SETDB2: variants seen among roughly 807,000 people sequenced by gnomAD.
SETDB2 encodes histone-lysine N-methyltransferase SETDB2.
Under a neutral mutation model 82.5 loss-of-function variants are expected in SETDB2, and 56 were observed. That is an observed-to-expected ratio of 0.68 (90% confidence interval 0.55 to 0.85). The LOEUF is 0.85. SETDB2 is among the 40% of genes least tolerant of loss of function. The pLI, the probability that SETDB2 is intolerant of heterozygous loss-of-function variation, is 0.00. For missense variants in SETDB2, 677 were observed against 816.4 expected (o/e 0.83, Z 2.08); for synonymous variants, 272 against 284.9 (o/e 0.95, Z 0.46).
chr13:49,466,739 G>C (rs1156839786), intron 4 of SETDB2, among the ~76,000 whole-genome samples: 2 of 151,902 alleles, frequency 1.3e-5, no homozygotes, highest in East Asian at 3.9e-4. Flanking sequence ...ACGGTTCCTG[G>C]GCTTAAGCAG....
intron 1 of SETDB2, among the ~76,000 whole-genome samples, chr13:49,447,758 A>T (rs746505235): frequency 1.3e-4 from 20 of 152,164 alleles, no homozygotes; most frequent in Non-Finnish European, 2.6e-4. Flanking sequence ...CTACTGCTGG[A>T]TACCTTTATT....
In SETDB2 at chr13:49,492,957, CAAAA is replaced by C. The variant is rs1412604473; in HGVS notation, c.*1113_*1116del. The C allele has an allele frequency of 2.1e-5, 2 of 97,048 alleles. No individual in the cohort carries two copies. Among genetic ancestry groups the C allele is most frequent in the African/African-American group, 3.8e-5 (1 of 26,258 alleles). 6.0% of individuals were successfully genotyped at this position (97,048 alleles called of 1,614,324 possible). The stretch of plus-strand genomic sequence containing the variant: ...TGGGCAATAGAGCAAGACTCTCTCT[CAAAA>C]AAAACAGCACACACACACACACACG... On this transcript the variant is annotated 3_prime_UTR_variant, in exon 14 of 14. Coordinates refer to ENST00000611815, the MANE Select transcript of SETDB2 (RefSeq NM_001160308.3).
chr13:49,455,061 A>G (rs778079794), intron 2 of SETDB2, among the ~76,000 whole-genome samples: 1 of 152,176 alleles, frequency 6.6e-6, no homozygotes, highest in Non-Finnish European at 1.5e-5. Flanking sequence ...AATAGAAACT[A>G]TTTTCTAAAG....
chr13:49,453,872 A>ATG (rs1488244762), intron 2 of SETDB2, among the ~76,000 whole-genome samples: 1 of 151,446 alleles, frequency 6.6e-6, no homozygotes, highest in African/African-American at 2.4e-5. Flanking sequence ...GCAATGAAGT[A>ATG]TATATATATA....
At chr13:49,475,513 A>G (rs547585779) in intron 5 of SETDB2, among the ~76,000 whole-genome samples, 15 of 151,366 alleles carry the variant, frequency 9.9e-5, no homozygotes, top group Non-Finnish European at 2.1e-4. Flanking sequence ...TTAAGACAGG[A>G]TCTCACTCTG....
intron 5 of SETDB2, among the ~76,000 whole-genome samples, chr13:49,475,357 C>T (rs758093485): frequency 9.2e-5 from 14 of 152,158 alleles, no homozygotes; most frequent in Non-Finnish European, 1.9e-4. Flanking sequence ...AGAGCAAATA[C>T]AACGCATCTC....
intron 10 of SETDB2, among the ~76,000 whole-genome samples, chr13:49,484,189 C>G (rs1958545087): frequency 6.6e-6 from 1 of 152,006 alleles, no homozygotes; most frequent in South Asian, 2.1e-4. Context: ...GTGGGAGAAG[C>G]TAAAGTCTTC....
rs780429397 is a variant in SETDB2 at position 49,467,844 on chromosome 13, C to T, written c.209-20C>T. On this transcript the variant is annotated intron_variant, in intron 4 of 13. Transcript: ENST00000611815. ...TTTTTAACTTGGTATATTTGTTGCT[C>T]ACATTATTTTTTTGTGTAGATCCTA... is the stretch of plus-strand genomic sequence containing the variant. 22 of 1,571,440 alleles carry T rather than the reference C, an allele frequency of 1.4e-5. No homozygotes were observed. The South Asian group carries it at 2.1e-4, about 15-fold the overall frequency.
At chr13:49,476,238 A>G (rs1211967101) in intron 5 of SETDB2, among the ~76,000 whole-genome samples, 1 of 152,162 alleles carries the variant, frequency 6.6e-6, no homozygotes, top group Non-Finnish European at 1.5e-5. Flanking sequence ...CTGTGCTGTG[A>G]TCACACCTGT....
chr13:49,476,690 G>T lies in SETDB2; in HGVS notation c.520G>T (p.Ala174Ser), dbSNP rs754663492. The T allele has an allele frequency of 1.2e-6, 2 of 1,614,224 alleles. No homozygotes were observed. The highest frequency in any genetic ancestry group is 2.7e-5 in the African/African-American group (2 of 75,066). Reference sequence around the variant, plus strand: ...TGCAAAGACAAACTCTCATTCTTCAGCACTCCACGTGAGTTATAAAACCCC... The same window carrying T: ...TGCAAAGACAAACTCTCATTCTTCATCACTCCACGTGAGTTATAAAACCCC... ...RHAKTNSHSSALHVSYKTPCG... is the reference protein window; with the variant it reads ...RHAKTNSHSSSLHVSYKTPCG... The change falls in exon 6 of 14, where the codon GCA becomes TCA. Residue 174 changes from alanine to serine, a missense_variant. Around this residue, in one of 3 missense-constraint regions of SETDB2, gnomAD observed 243 missense variants for 237.2 expected, o/e 1.02. Transcript: ENST00000611815.
chr13:49,468,065 C>T lies in SETDB2; in HGVS notation c.305+105C>T, dbSNP rs1958153236. ...ATGAAATATACAAAAAAATTTTTCCCATTAAAGCTTTAAAAGTTGTATATT... is the reference window on the plus strand; with the variant it reads ...ATGAAATATACAAAAAAATTTTTCCTATTAAAGCTTTAAAAGTTGTATATT... On this transcript the variant is annotated intron_variant, in intron 5 of 13. Coordinates refer to ENST00000611815, the MANE Select transcript of SETDB2 (RefSeq NM_001160308.3). 5 of 653,078 alleles carry T rather than the reference C, an allele frequency of 7.7e-6. No homozygotes were observed. In the East Asian group the frequency reaches 1.6e-4, roughly 21 times the overall value. 40.5% of individuals were successfully genotyped at this position (653,078 alleles called of 1,614,324 possible).
intron 2 of SETDB2, among the ~76,000 whole-genome samples, chr13:49,458,659 G>T (rs1052441659): frequency 7.9e-5 from 12 of 152,168 alleles, no homozygotes; most frequent in African/African-American, 2.7e-4. Flanking sequence ...GTACGTTAAT[G>T]ACTCCAATTT....
chr13:49,471,927 TA>T (rs1341687784), intron 5 of SETDB2, among the ~76,000 whole-genome samples: 13 of 67,284 alleles, frequency 1.9e-4, no homozygotes, highest in African/African-American at 7.3e-4. Flanking sequence ...TATATATATA[TA>T]TATATATTTT....
chr13:49,450,310 GA>G (rs1295517910), intron 1 of SETDB2, among the ~76,000 whole-genome samples: 1 of 152,090 alleles, frequency 6.6e-6, no homozygotes, highest in Non-Finnish European at 1.5e-5. Flanking sequence ...TGTTCTTGGT[GA>G]ATTACTCAAC....
At chr13:49,487,448 A>T (rs1343418527) in intron 11 of SETDB2, among the ~76,000 whole-genome samples, 2 of 151,864 alleles carry the variant, frequency 1.3e-5, no homozygotes, top group African/African-American at 4.8e-5. Flanking sequence ...CAGTCCTCCC[A>T]CCTCAGTCTC....
chr13:49,463,875 G>A, intron 4 of SETDB2: 1 of 626,970 alleles, frequency 1.6e-6, no homozygotes, highest in South Asian at 1.9e-5. Context: ...ATTCCTTTGT[G>A]TCCTGGCTTC....
At chr13:49,485,568 C>A in intron 10 of SETDB2, 62 bp from the exon 11 acceptor site, 2 of 1,280,388 alleles carry the variant, frequency 1.6e-6, no homozygotes, top group Non-Finnish European at 2.2e-6. Context: ...ATGAAAGAGG[C>A]CTAACTGCTA....
At position 49,471,934 on chromosome 13, in the gene SETDB2, A is replaced by ATTT. The variant is rs35468680; in HGVS notation, c.305+3987_305+3989dup. Among the ~76,000 whole-genome samples, 64 of 119,254 alleles carry ATTT rather than the reference A, an allele frequency of 5.4e-4. 1 individual carries two copies. Among genetic ancestry groups the ATTT allele is most frequent in the African/African-American group, 1.9e-3 (52 of 27,772 alleles). 78.2% of individuals were successfully genotyped at this position (119,254 alleles called of 152,430 possible). The stretch of plus-strand genomic sequence containing the variant: ...GTGACATATATATATATATATATAT[A>ATTT]TTTTTTTTTTTTTTTAAATAGAGAC... On this transcript the variant is annotated intron_variant, in intron 5 of 13. Coordinates refer to ENST00000611815, the MANE Select transcript of SETDB2 (RefSeq NM_001160308.3).
At chr13:49,488,728 C>G (rs528493990) in intron 12 of SETDB2, 98 bp downstream of exon 12, 6 of 999,050 alleles carry the variant, frequency 6.0e-6, no homozygotes, top group African/African-American at 1.6e-5. Flanking sequence ...TAAAGTCAGA[C>G]CATCTGGTTA....
Sources: gnomAD v4.1 joint callset for allele counts (sites outside exome capture counted in the v4.1 genomes callset) on GRCh38, gnomAD v4.1.1 for gene constraint, gnomAD v4.1.1 regional missense constraint, MANE v1.5 for transcripts, NCBI Gene and HGNC (gene_info 2026-07-23, HGNC 2026-07-21) for gene names.